The following SCX variants were observed in gnomAD, a reference collection of about 807,000 sequenced individuals.
SCX encodes scleraxis bHLH transcription factor, also known as basic helix-loop-helix transcription factor scleraxis.
Under a neutral mutation model 12.2 loss-of-function variants are expected in SCX, and 7 were observed. The observed-to-expected ratio is 0.57, with a 90% CI of 0.33 to 1.08. The LOEUF (loss-of-function observed/expected upper bound fraction) is 1.08. SCX is among the 50% of genes least tolerant of loss of function. The pLI is 0.04. For missense variants in SCX, 342 were observed against 337.2 expected, an observed-to-expected ratio of 1.01 and a Z score of -0.11; for synonymous variants, 193 against 163.9, an observed-to-expected ratio of 1.18 and a Z score of -1.36.
Position 144,266,570 on chromosome 8 carries a change from T to G in SCX, c.-44T>G. ...CCCGCGGCGGCCGCAGGAGGCGGCA[T>G]GAGCAGCGCGCGACAGAGCTGACGC... On this transcript the variant is annotated 5_prime_UTR_variant, in exon 1 of 2. The change abolishes an upstream ATG in the 5' untranslated region. Coordinates refer to ENST00000567180, the MANE Select transcript of SCX (RefSeq NM_001080514.3). The G allele has an allele frequency of 2.0e-6, 2 of 1,012,868 alleles. No homozygotes were observed. Among genetic ancestry groups the G allele is most frequent in the Non-Finnish European group, 2.4e-6 (2 of 849,778 alleles). 62.7% of individuals were successfully genotyped at this position (1,012,868 alleles called of 1,614,324 possible).
In SCX at chr8:144,266,533, C is replaced by CGGCCCGCGA. The variant is rs1204516697; in HGVS notation, c.-72_-64dup. The CGGCCCGCGA allele has an allele frequency of 1.8e-5, 18 of 992,708 alleles. No homozygotes were observed. The highest frequency in any genetic ancestry group is 1.0e-3 in the Middle Eastern group (2 of 1,970). The allele number at this position is 992,708 out of a possible 1,614,324, so 61.5% of individuals were successfully genotyped here. On this transcript the variant is annotated 5_prime_UTR_variant, in exon 1 of 2. Coordinates refer to ENST00000567180, the MANE Select transcript of SCX (RefSeq NM_001080514.3). Reference sequence around the variant, plus strand: ...CCGAGACCCCGCGCCTCGCCCCGGCCGGCCCGCGAGGCCCGCGGCGGCCGC... The same window carrying CGGCCCGCGA: ...CCGAGACCCCGCGCCTCGCCCCGGCCGGCCCGCGAGGCCCGCGAGGCCCGCGGCGGCCGC...
chr8:144,267,442 G>A lies in SCX; in HGVS notation c.567+262G>A, dbSNP rs1375104006. 5.9e-5 allele frequency among the ~76,000 whole-genome samples: 9 copies of A among 152,348 alleles called. No homozygotes were observed. In the East Asian group the frequency reaches 1.7e-3, roughly 29 times the overall value. On this transcript the variant is annotated intron_variant, in intron 1 of 1. Transcript: ENST00000567180. Reference sequence around the variant, plus strand: ...GGGTAAGAGCTAGGGATGGCCAAAGGGGCCCACCCAGGGCGGGGAGGCTGG... The same window carrying A: ...GGGTAAGAGCTAGGGATGGCCAAAGAGGCCCACCCAGGGCGGGGAGGCTGG...
In SCX at chr8:144,266,491, G is replaced by A. The variant is rs1373399859; in HGVS notation, c.-123G>A. The A allele has an allele frequency of 1.0e-5, 10 of 986,562 alleles. No individual in the cohort carries two copies. Among genetic ancestry groups the A allele is most frequent in the South Asian group, 4.6e-5 (1 of 21,666 alleles). The allele number at this position is 986,562 out of a possible 1,614,324, so 61.1% of individuals were successfully genotyped here. On this transcript the variant is annotated 5_prime_UTR_variant, in exon 1 of 2. Transcript: ENST00000567180. ...CATGTGCGCGCGACGCCCGGCAGCT[G>A]CCACCGCGGGGCGCAGCCGAGACCC...
In SCX at chr8:144,266,849, C is replaced by G; in HGVS notation, c.236C>G (p.Thr79Arg). The change falls in exon 1 of 2, where the codon ACG becomes AGG. Residue 79 changes from threonine (T) to arginine (R), a missense_variant. Physicochemically the swap from Thr to Arg is moderately conservative, Grantham distance 71. Coordinates refer to ENST00000567180, the MANE Select transcript of SCX (RefSeq NM_001080514.3). ...RPGREPRQRH[T>R]ANARERDRTN... is the part of the protein sequence containing the mutation. The stretch of plus-strand genomic sequence containing the variant: ...GGCCGTGAGCCCCGGCAGCGGCACA[C>G]GGCGAACGCGCGCGAGCGAGACCGC... The G allele has an allele frequency of 2.2e-6, 3 of 1,385,444 alleles. No individual in the cohort carries two copies. The highest frequency in any genetic ancestry group is 2.8e-5 in the South Asian group (2 of 70,220). 85.8% of individuals were successfully genotyped at this position (1,385,444 alleles called of 1,614,324 possible).
intron 1 of SCX, among the ~76,000 whole-genome samples, chr8:144,267,690 C>T (rs973737650): frequency 2.0e-4 from 30 of 152,238 alleles, no homozygotes; most frequent in East Asian, 5.8e-4. Flanking sequence ...CTGCCCGAGA[C>T]GTGGGCCATG....
In SCX at chr8:144,268,246, C is replaced by A; in HGVS notation, c.*104C>A. On this transcript the variant is annotated 3_prime_UTR_variant, in exon 2 of 2. Coordinates refer to ENST00000567180, the MANE Select transcript of SCX (RefSeq NM_001080514.3). ...TTGGACCTGAGCTGGGCAAGGCCCA[C>A]CGCAAGCATGCCCCCAGGCCAGCCC... is the stretch of plus-strand genomic sequence containing the variant. 1.3e-6 allele frequency: 2 copies of A among 1,486,302 alleles called. No individual in the cohort carries two copies. Among genetic ancestry groups the A allele is most frequent in the Non-Finnish European group, 1.8e-6 (2 of 1,094,940 alleles). 92.1% of individuals were successfully genotyped at this position (1,486,302 alleles called of 1,614,324 possible). A position where few individuals can be genotyped will look rare whatever the true frequency, so the allele number is the denominator to read the frequency against.
In SCX at chr8:144,268,415, G is replaced by A; in HGVS notation, c.*273G>A. 6.9e-6 allele frequency: 4 copies of A among 576,664 alleles called. No individual in the cohort carries two copies. The highest frequency in any genetic ancestry group is 6.5e-5 in the South Asian group (3 of 46,256). 35.7% of individuals were successfully genotyped at this position (576,664 alleles called of 1,614,324 possible). ...CGGCCACTGTGTGATGGCATCTTGT[G>A]TTTTTGATATGATAATATAAAGTCT... is the stretch of plus-strand genomic sequence containing the variant. On this transcript the variant is annotated 3_prime_UTR_variant, in exon 2 of 2. Transcript: ENST00000567180.
In SCX at chr8:144,266,637, G is replaced by A. The variant is rs1389349995; in HGVS notation, c.24G>A (p.Pro8=). 4 of 1,235,788 alleles carry A rather than the reference G, an allele frequency of 3.2e-6. No individual in the cohort carries two copies. Among genetic ancestry groups the A allele is most frequent in the Non-Finnish European group, 3.1e-6 (3 of 969,548 alleles). 76.6% of individuals were successfully genotyped at this position (1,235,788 alleles called of 1,614,324 possible). A position where few individuals can be genotyped will look rare whatever the true frequency, so the allele number is the denominator to read the frequency against. The change falls in exon 1 of 2, where the codon CCG becomes CCA. Residue 8 remains proline (P), a synonymous_variant. Transcript: ENST00000567180. Reference sequence around the variant, plus strand: ...CCATGTCCTTCGCCACGCTGCGCCCGGCGCCGCCGGGCCGCTACCTGTACC... The same window carrying A: ...CCATGTCCTTCGCCACGCTGCGCCCAGCGCCGCCGGGCCGCTACCTGTACC... MSFATLR[P]APPGRYLYPE...
At position 144,266,759 on chromosome 8, in the gene SCX, T is replaced by A; in HGVS notation, c.146T>A (p.Leu49His). The A allele has an allele frequency of 1.9e-6, 2 of 1,051,576 alleles. No homozygotes were observed. Among genetic ancestry groups the A allele is most frequent in the Non-Finnish European group, 2.3e-6 (2 of 872,826 alleles). 65.1% of individuals were successfully genotyped at this position (1,051,576 alleles called of 1,614,324 possible). A position where few individuals can be genotyped will look rare whatever the true frequency, so the allele number is the denominator to read the frequency against. ...PCRVHAARCGLQGARRRAGGR... is the reference protein window; with the variant it reads ...PCRVHAARCGHQGARRRAGGR... ...CGCGTGCACGCGGCGCGCTGCGGCC[T>A]CCAGGGCGCCCGGCGGAGGGCGGGG... Residue 49 changes from leucine to histidine, a missense_variant, in exon 1 of 2, where the codon CTC (leucine) becomes CAC (histidine). Transcript: ENST00000567180.
Position 144,266,742 on chromosome 8 carries a change from C to T in SCX, c.129C>T (p.His43=). The part of the protein sequence containing the change: ...SGSDEKPCRV[H]AARCGLQGAR... ...CCGACGAGAAACCCTGTCGCGTGCA[C>T]GCGGCGCGCTGCGGCCTCCAGGGCG... The change falls in exon 1 of 2, where the codon CAC becomes CAT. Residue 43 remains histidine, a synonymous_variant. Coordinates refer to ENST00000567180, the MANE Select transcript of SCX (RefSeq NM_001080514.3). 1.8e-6 allele frequency: 2 copies of T among 1,099,174 alleles called. No homozygotes were observed. The highest frequency in any genetic ancestry group is 2.2e-6 in the Non-Finnish European group (2 of 895,220). The allele number at this position is 1,099,174 out of a possible 1,614,324, so 68.1% of individuals were successfully genotyped here.
Position 144,266,909 on chromosome 8 carries a change from G to A in SCX, c.296G>A (p.Arg99His). ...NSVNTAFTALRTLIPTEPADR... is the reference protein window; with the variant it reads ...NSVNTAFTALHTLIPTEPADR... ...GTGAACACGGCCTTCACGGCGCTGC[G>A]CACGCTGATCCCCACCGAGCCCGCC... Residue 99 changes from arginine (R) to histidine (H), a missense_variant, in exon 1 of 2, where the codon CGC becomes CAC. This residue lies in a region of SCX where 42 missense variants were observed against 73.7 expected (regional missense o/e 0.57). Coordinates refer to ENST00000567180, the MANE Select transcript of SCX (RefSeq NM_001080514.3). The A allele has an allele frequency of 1.9e-6, 3 of 1,544,654 alleles. No individual in the cohort carries two copies. Among genetic ancestry groups the A allele is most frequent in the African/African-American group, 1.4e-5 (1 of 70,766 alleles).
intron 1 of SCX, among the ~76,000 whole-genome samples, chr8:144,267,520 A>C (rs1417786959): frequency 2.0e-5 from 3 of 152,230 alleles, no homozygotes; most frequent in Non-Finnish European, 2.9e-5. Context: ...TGAAAGGCGG[A>C]GTGAAAACAG....
rs1489041334 is a variant in SCX at position 144,267,087 on chromosome 8, C to CCCGCCGCCG, written c.477_485dup (p.Pro164_Pro166dup). On this transcript the variant is annotated inframe_insertion, in exon 1 of 2. Transcript: ENST00000567180. ...TCCACGCGGCGCGCGCCGGCAGCCCCCCGCCGCCGCCCCCGCCGCCTCCCG... is the reference window on the plus strand; with the variant it reads ...TCCACGCGGCGCGCGCCGGCAGCCCCCCGCCGCCGCCGCCGCCGCCCCCGCCGCCTCCCG... 18 of 1,367,394 alleles carry CCCGCCGCCG rather than the reference C, an allele frequency of 1.3e-5. No individual in the cohort carries two copies. The highest frequency in any genetic ancestry group is 1.7e-5 in the Non-Finnish European group (18 of 1,069,308). 84.7% of individuals were successfully genotyped at this position (1,367,394 alleles called of 1,614,324 possible).
At chr8:144,267,860 C>T (rs974212730) in intron 1 of SCX, among the ~76,000 whole-genome samples, 18 of 152,232 alleles carry the variant, frequency 1.2e-4, no homozygotes, top group Admixed American at 2.0e-4. Flanking sequence ...TCCCAATCCC[C>T]ATTTCCTCTC....
In SCX at chr8:144,268,390, C is replaced by T. The variant is rs1350966346; in HGVS notation, c.*248C>T. 27 of 588,700 alleles carry T rather than the reference C, an allele frequency of 4.6e-5. No individual in the cohort carries two copies. Among genetic ancestry groups the T allele is most frequent in the African/African-American group, 1.9e-4 (10 of 53,564 alleles). 36.5% of individuals were successfully genotyped at this position (588,700 alleles called of 1,614,324 possible). A position where few individuals can be genotyped will look rare whatever the true frequency, so the allele number is the denominator to read the frequency against. ...GAACTTTCTGCGCTGGCTTTTCTTC[C>T]GGCCACTGTGTGATGGCATCTTGTG... On this transcript the variant is annotated 3_prime_UTR_variant, in exon 2 of 2. Transcript: ENST00000567180.
rs1397020431 is a variant in SCX at position 144,266,517 on chromosome 8, C to T, written c.-97C>T. On this transcript the variant is annotated 5_prime_UTR_variant, in exon 1 of 2. Transcript: ENST00000567180. ...CCACCGCGGGGCGCAGCCGAGACCC[C>T]GCGCCTCGCCCCGGCCGGCCCGCGA... is the stretch of plus-strand genomic sequence containing the variant. 2 of 989,172 alleles carry T rather than the reference C, an allele frequency of 2.0e-6. No homozygotes were observed. The highest frequency in any genetic ancestry group is 1.2e-4 in the Admixed American group (2 of 16,178). 61.3% of individuals were successfully genotyped at this position (989,172 alleles called of 1,614,324 possible).
Position 144,266,997 on chromosome 8 carries a change from C to T in SCX, c.384C>T (p.Gly128=), listed in dbSNP as rs1451763939. 2 of 1,545,756 alleles carry T rather than the reference C, an allele frequency of 1.3e-6. No individual in the cohort carries two copies. Among genetic ancestry groups the T allele is most frequent in the Admixed American group, 1.8e-5 (1 of 55,978 alleles). Reference sequence around the variant, plus strand: ...CCTCCAGCTACATCTCGCACCTGGGCAACGTGCTGCTGGCGGGCGAGGCCT... The same window carrying T: ...CCTCCAGCTACATCTCGCACCTGGGTAACGTGCTGCTGGCGGGCGAGGCCT... ...RLASSYISHL[G]NVLLAGEACG... The change falls in exon 1 of 2, where the codon GGC becomes GGT. Residue 128 remains glycine, a synonymous_variant. Coordinates refer to ENST00000567180, the MANE Select transcript of SCX (RefSeq NM_001080514.3).
chr8:144,266,802 C>CG lies in SCX; in HGVS notation c.195dup (p.Pro66AlafsTer8). ...GGGCGGGGGGCCGGCGGGCCGGGGG[C>CG]GGGGGGCCAGGGGGCCGGCCAGGCC... On this transcript the variant is annotated frameshift_variant, in exon 1 of 2. Transcript: ENST00000567180. LOFTEE classifies it high-confidence loss of function. 1 of 1,110,836 alleles carries CG rather than the reference C, an allele frequency of 9.0e-7. No individual in the cohort carries two copies. The highest frequency in any genetic ancestry group is 4.3e-5 in the South Asian group (1 of 23,344). The allele number at this position is 1,110,836 out of a possible 1,614,324, so 68.8% of individuals were successfully genotyped here.
rs1845424135 is a variant in SCX, at chr8:144,268,166, G to A, written c.*24G>A. 2.6e-6 allele frequency: 4 copies of A among 1,549,098 alleles called. No individual in the cohort carries two copies. The highest frequency in any genetic ancestry group is 3.5e-6 in the Non-Finnish European group (4 of 1,145,942). The stretch of plus-strand genomic sequence containing the variant: ...AGGAGGTGGCCGGCAGCAGCCAGGA[G>A]GCAGACGCTGCTGGGGGAGGTGGAC... On this transcript the variant is annotated 3_prime_UTR_variant, in exon 2 of 2. Coordinates refer to ENST00000567180, the MANE Select transcript of SCX (RefSeq NM_001080514.3).
Sources: allele counts gnomAD v4.1 joint callset (sites outside exome capture counted in the v4.1 genomes callset), GRCh38; gene constraint gnomAD v4.1.1; regional missense constraint gnomAD v4.1.1; transcripts MANE v1.5; gene names NCBI Gene and HGNC (gene_info 2026-07-23, HGNC 2026-07-21).